Variants in SOS2 observed in about 807,000 individuals in gnomAD.
The protein encoded by SOS2 is SOS Ras/Rho guanine nucleotide exchange factor 2, also known as son of sevenless homolog 2.
A neutral mutation model predicts 148.2 loss-of-function variants in SOS2; 65 were observed. The observed-to-expected ratio is 0.44, with a 90% CI of 0.36 to 0.54. The LOEUF is 0.54. Ranked by LOEUF, SOS2 falls within the 20% of genes least tolerant of loss-of-function variation. The pLI is 0.00. For missense variants in SOS2, 1,341 were observed against 1,590.2 expected (o/e 0.84, Z 2.67); for synonymous variants, 539 against 537.1 (o/e 1.00, Z -0.05).
intron 8 of SOS2, among the ~76,000 whole-genome samples, chr14:50,165,040 C>T (rs994739595): frequency 1.3e-5 from 2 of 152,016 alleles, no homozygotes; most frequent in Non-Finnish European, 2.9e-5. Context: ...AATGGTTTTG[C>T]AGTAGTTTTT....
At chr14:50,184,639 C>A (rs1885848557) in intron 5 of SOS2, among the ~76,000 whole-genome samples, 1 of 151,922 alleles carries the variant, frequency 6.6e-6, no homozygotes, top group Non-Finnish European at 1.5e-5. Context: ...TTCAGCCCCA[C>A]CCACTGACCT....
At chr14:50,198,470 A>C (rs1271067785) in intron 4 of SOS2, among the ~76,000 whole-genome samples, 1 of 152,192 alleles carries the variant, frequency 6.6e-6, no homozygotes, top group Non-Finnish European at 1.5e-5. Context: ...AATCGGTCTC[A>C]GTCATTATAA....
chr14:50,130,672 G>A lies in SOS2; in HGVS notation c.3166C>T (p.Pro1056Ser). ...CATGGTTCTCTTTCTAATGGTGTTG[G>A]GTGACCTCGTAAAGTACCTGAGGTA... Reference protein sequence around the residue: ...GSTSGTLRGHPTPLEREPCKI... With the variant: ...GSTSGTLRGHSTPLEREPCKI... The change falls in exon 20 of 23, where the codon CCA (proline) becomes TCA (serine). Residue 1056 changes from proline to serine, a missense_variant. By Grantham distance (74) the Pro-to-Ser change is moderately conservative (BLOSUM62 -1). Around this residue, in one of 4 missense-constraint regions of SOS2, gnomAD observed 354 missense variants for 347.7 expected, o/e 1.02. Coordinates refer to ENST00000216373, the MANE Select transcript of SOS2 (RefSeq NM_006939.4). The A allele has an allele frequency of 6.2e-7, 1 of 1,614,072 alleles. No homozygotes were observed. Among genetic ancestry groups the A allele is most frequent in the Non-Finnish European group, 8.5e-7 (1 of 1,179,946 alleles).
chr14:50,167,236 G>A (rs992480719), intron 8 of SOS2, among the ~76,000 whole-genome samples: 1 of 151,906 alleles, frequency 6.6e-6, no homozygotes, highest in Admixed American at 6.6e-5. Context: ...TCCTCTTTAT[G>A]GTCTTTTTTA....
chr14:50,204,378 G>A lies in SOS2; in HGVS notation c.119C>T (p.Ala40Val). 6.3e-7 allele frequency: 1 copy of A among 1,582,164 alleles called. No homozygotes were observed. The highest frequency in any genetic ancestry group is 8.6e-7 in the Non-Finnish European group (1 of 1,156,880). Residue 40 changes from alanine to valine, a missense_variant, in exon 2 of 23, where the codon GCT becomes GTT. Coordinates refer to ENST00000216373, the MANE Select transcript of SOS2 (RefSeq NM_006939.4). The stretch of plus-strand genomic sequence containing the variant: ...AATATAATAGAGAGACTCTTCATTA[G>A]CTGAGAGAGTGGGATGCACTTGTTC... ...VQEQVHPTLSANEESLYYIEE... is the reference protein window; with the variant it reads ...VQEQVHPTLSVNEESLYYIEE...
At chr14:50,224,292 G>GGAA (rs1346100024) in intron 1 of SOS2, among the ~76,000 whole-genome samples, 1 of 14,796 alleles carries the variant, frequency 6.8e-5, no homozygotes, top group African/African-American at 3.8e-4. Flanking sequence ...CTCCGTCTCA[G>GGAA]GAAAAAAAAA....
chr14:50,202,732 C>T (rs956686317), intron 2 of SOS2, among the ~76,000 whole-genome samples: 1 of 151,646 alleles, frequency 6.6e-6, no homozygotes, highest in Non-Finnish European at 1.5e-5. Context: ...AAGACCCTGT[C>T]TCTTAAAACA....
chr14:50,193,207 T>C (rs1045485068), intron 4 of SOS2, among the ~76,000 whole-genome samples: 18 of 151,938 alleles, frequency 1.2e-4, no homozygotes, highest in African/African-American at 4.4e-4. Context: ...TCTTTGTTTC[T>C]TTTTTTAAAT....
At chr14:50,186,543 G>A in intron 5 of SOS2, among the ~76,000 whole-genome samples, 1 of 151,818 alleles carries the variant, frequency 6.6e-6, no homozygotes, top group Non-Finnish European at 1.5e-5. Context: ...GCACTTTGGG[G>A]GGCTGAGAAG....
At chr14:50,212,331 G>A (rs1481209984) in intron 1 of SOS2, among the ~76,000 whole-genome samples, 1 of 152,154 alleles carries the variant, frequency 6.6e-6, no homozygotes, top group Non-Finnish European at 1.5e-5. Context: ...AAAATTAACT[G>A]GTCATGGTGG....
At chr14:50,169,087 G>A (rs764298674) in intron 8 of SOS2, among the ~76,000 whole-genome samples, 2 of 151,954 alleles carry the variant, frequency 1.3e-5, no homozygotes, top group Admixed American at 1.3e-4. Flanking sequence ...CAAGGCAGGC[G>A]GATCATTTGA....
At chr14:50,169,553 T>G (rs199556558) in intron 8 of SOS2, among the ~76,000 whole-genome samples, 1 of 151,538 alleles carries the variant, frequency 6.6e-6, no homozygotes, top group Non-Finnish European at 1.5e-5. Flanking sequence ...GGCAGGAGAA[T>G]CACTTGAACC....
intron 15 of SOS2, 24 bp downstream of exon 15, chr14:50,145,453 T>C (rs1197696025): frequency 2.5e-6 from 4 of 1,589,218 alleles, no homozygotes; most frequent in Admixed American, 1.8e-5. Context: ...TATTAGGAGG[T>C]AGTAAGAGTA....
chr14:50,134,007 A>G, intron 19 of SOS2, 116 bp downstream of exon 19: 1 of 708,312 alleles, frequency 1.4e-6, no homozygotes, highest in East Asian at 2.6e-5. Context: ...TATTACTGCA[A>G]ACAAAACACC....
chr14:50,150,487 A>G (rs1884625671), intron 13 of SOS2, among the ~76,000 whole-genome samples: 1 of 152,206 alleles, frequency 6.6e-6, no homozygotes, highest in Admixed American at 6.5e-5. Context: ...TATCACACAT[A>G]AAACTGACAA....
chr14:50,194,003 C>T (rs1809000558), intron 4 of SOS2, among the ~76,000 whole-genome samples: 1 of 152,152 alleles, frequency 6.6e-6, no homozygotes, highest in African/African-American at 2.4e-5. Context: ...TCTTGGCCTC[C>T]CAAAGTGCTA....
intron 16 of SOS2, among the ~76,000 whole-genome samples, chr14:50,143,823 A>ATTTT (rs35436971): frequency 2.2e-5 from 3 of 134,554 alleles, no homozygotes; most frequent in Non-Finnish European, 1.6e-5. Flanking sequence ...ATGCCTGGCT[A>ATTTT]TTTTTTTTTT....
chr14:50,231,155 G>A, intron 1 of SOS2, 42 bp downstream of exon 1: 3 of 1,220,320 alleles, frequency 2.5e-6, no homozygotes, highest in Non-Finnish European at 3.3e-6. Flanking sequence ...AAGCTCGGGG[G>A]GCCACGGGCC....
At chr14:50,185,615 C>T (rs1376231953) in intron 5 of SOS2, among the ~76,000 whole-genome samples, 1 of 151,418 alleles carries the variant, frequency 6.6e-6, no homozygotes, top group Non-Finnish European at 1.5e-5. Context: ...TCGCTTGAAC[C>T]CGGGAGGTAG....
Sources: allele counts gnomAD v4.1 joint callset (sites outside exome capture counted in the v4.1 genomes callset), GRCh38; gene constraint gnomAD v4.1.1; regional missense constraint gnomAD v4.1.1; transcripts MANE v1.5; gene names NCBI Gene and HGNC (gene_info 2026-07-23, HGNC 2026-07-21).